The following NOSIP variants were observed in gnomAD, a reference collection of about 807,000 sequenced individuals.
NOSIP encodes nitric oxide synthase interacting protein.
A neutral mutation model predicts 36.4 loss-of-function variants in NOSIP; 25 were observed. The ratio of observed to expected loss-of-function variants is 0.69; its 90% CI spans 0.50 to 0.96. The LOEUF is 0.96. Among genes scored for constraint, NOSIP ranks in the 40% least tolerant of loss-of-function variants. The pLI is 0.00. For synonymous variants in NOSIP, 187 were observed against 179.2 expected, an observed-to-expected ratio of 1.04 and a Z score of -0.35; for missense variants, 370 against 429.0, an observed-to-expected ratio of 0.86 and a Z score of 1.21.
At chr19:49,559,838 T>C in intron 3 of NOSIP, 96 bp downstream of exon 3, 1 of 814,982 alleles carries the variant, frequency 1.2e-6, no homozygotes, top group South Asian at 1.4e-5. Context: ...CAGGGTTCCC[T>C]GGCTGTGCAG....
chr19:49,561,427 G>A (rs1476788839), intron 1 of NOSIP, among the ~76,000 whole-genome samples: 1 of 152,064 alleles, frequency 6.6e-6, no homozygotes, highest in East Asian at 1.9e-4. Context: ...AATAGTATAA[G>A]GAACCCCCAT....
rs201132953 is a variant in NOSIP, at chr19:49,560,698, G to A, written c.-1-6C>T. On this transcript the variant is annotated splice_polypyrimidine_tract_variant and splice_region_variant and intron_variant, in intron 1 of 8. Transcript: ENST00000596358. The surrounding 1 kb of genome is among the most constrained non-coding windows in gnomAD (Gnocchi z 4.6). ...TCTTGCCATGCCGCGTCATCCTAGG[G>A]AGGAAGGGACAGTGGCAGGACTGTG... is the stretch of plus-strand genomic sequence containing the variant. The A allele has an allele frequency of 2.6e-4, 417 of 1,586,492 alleles. 1 individual carries two copies. Among genetic ancestry groups the A allele is most frequent in the Admixed American group, 9.8e-4 (55 of 56,304 alleles).
intron 1 of NOSIP, among the ~76,000 whole-genome samples, chr19:49,570,162 C>T (rs2080466615): frequency 6.6e-6 from 1 of 152,086 alleles, no homozygotes; most frequent in South Asian, 2.1e-4. Context: ...CTCCACATGA[C>T]ACATATTAGT....
chr19:49,573,857 ATTT>A (rs560191336), intron 1 of NOSIP, among the ~76,000 whole-genome samples: 12 of 129,408 alleles, frequency 9.3e-5, no homozygotes, highest in Admixed American at 8.0e-5. Context: ...GGACTGAAGT[ATTT>A]TTTTTTTTTT....
chr19:49,557,474 G>C, intron 4 of NOSIP: 1 of 1,382,600 alleles, frequency 7.2e-7, no homozygotes, highest in Non-Finnish European at 9.4e-7. Flanking sequence ...GCCTAAGTGA[G>C]CACTATGACC....
intron 1 of NOSIP, among the ~76,000 whole-genome samples, chr19:49,576,846 T>C (rs141572954): frequency 0.017 from 2,396 of 137,314 alleles, 128 homozygotes; most frequent in East Asian, 0.13. Context: ...ATCGCACCAT[T>C]GCACTCCAGC....
In NOSIP at chr19:49,555,619, G is replaced by C. The variant is rs2080225187; in HGVS notation, c.*132C>G. The C allele has an allele frequency of 8.6e-6, 6 of 694,362 alleles. No homozygotes were observed. The Admixed American group carries it at 1.3e-4, about 15-fold the overall frequency. 43.0% of individuals were successfully genotyped at this position (694,362 alleles called of 1,614,324 possible). On this transcript the variant is annotated 3_prime_UTR_variant, in exon 9 of 9. Transcript: ENST00000596358. Reference sequence around the variant, plus strand: ...GCTTAGCCCGCTCTTTCAAACTCCAGCGTGCGCTGTAGGAGCACTGTTTGC... The same window carrying C: ...GCTTAGCCCGCTCTTTCAAACTCCACCGTGCGCTGTAGGAGCACTGTTTGC...
rs2080261971 is a variant in NOSIP at position 49,557,093 on chromosome 19, G to C, written c.415C>G (p.Pro139Ala). The C allele has an allele frequency of 6.2e-7, 1 of 1,611,194 alleles. No homozygotes were observed. The highest frequency in any genetic ancestry group is 8.5e-7 in the Non-Finnish European group (1 of 1,178,810). ...FTAKALSGTS[P>A]DDVQPGPSVG... Reference sequence around the variant, plus strand: ...CAAGAAGCCCAACCTGAGTCACCTGGGCTGGTGCCCGAGAGGGCCTTGGCT... The same window carrying C: ...CAAGAAGCCCAACCTGAGTCACCTGCGCTGGTGCCCGAGAGGGCCTTGGCT... The change falls in exon 5 of 9, where the codon CCA (proline) becomes GCA (alanine). Residue 139 changes from proline (P) to alanine (A), a missense_variant. Physicochemically the swap from Pro to Ala is conservative, Grantham distance 27. This residue lies in a region of NOSIP where 315 missense variants were observed against 331.9 expected (regional missense o/e 0.95). Coordinates refer to ENST00000596358, the MANE Select transcript of NOSIP (RefSeq NM_001270960.2).
rs1224319623 is a variant in NOSIP, at chr19:49,560,629, C to G, written c.63G>C (p.Lys21Asn). The G allele has an allele frequency of 6.3e-7, 1 of 1,589,224 alleles. No homozygotes were observed. Among genetic ancestry groups the G allele is most frequent in the Admixed American group, 1.8e-5 (1 of 56,838 alleles). The change falls in exon 2 of 9, where the codon AAG (lysine) becomes AAC (asparagine). Residue 21 changes from lysine to asparagine, a missense_variant. By Grantham distance (94) the Lys-to-Asn change is moderately conservative. Coordinates refer to ENST00000596358, the MANE Select transcript of NOSIP (RefSeq NM_001270960.2). This position sits in a 1 kb window ranked among gnomAD's most constrained non-coding sequence, Gnocchi z 4.6. The part of the protein sequence containing the change: ...GAVYTYHEKK[K>N]DTAASGYGTQ... ...CCCACCCCAGCCCTGCACCTGTGTC[C>G]TTCTTCTTCTCGTGGTAGGTGTAGA... is the stretch of plus-strand genomic sequence containing the variant.
chr19:49,556,866 G>A lies in NOSIP; in HGVS notation c.537+9C>T, dbSNP rs2080257049. On this transcript the variant is annotated intron_variant, in intron 6 of 8. Transcript: ENST00000596358. ...GCACCGTGCGTGCCGGGGCGCTGTG[G>A]GGGCTCACCGGCTTCTCCAGCTTGG... 1 of 1,610,152 alleles carries A rather than the reference G, an allele frequency of 6.2e-7. No homozygotes were observed. Among genetic ancestry groups the A allele is most frequent in the African/African-American group, 1.3e-5 (1 of 74,822 alleles).
chr19:49,556,444 C>T lies in NOSIP; in HGVS notation c.726-19G>A, dbSNP rs1376729489. 2.5e-6 allele frequency: 4 copies of T among 1,611,406 alleles called. No homozygotes were observed. The African/African-American group carries it at 4.0e-5, about 16-fold the overall frequency. On this transcript the variant is annotated intron_variant, in intron 7 of 8. Transcript: ENST00000596358. ...AGCCCCACTACGGTGAGGCCGAAGGCGGGAGACTCTGATCAGGGGCCTTCC... is the reference window on the plus strand; with the variant it reads ...AGCCCCACTACGGTGAGGCCGAAGGTGGGAGACTCTGATCAGGGGCCTTCC...
At chr19:49,579,914 G>A (rs2080603439) in intron 1 of NOSIP, among the ~76,000 whole-genome samples, 1 of 151,942 alleles carries the variant, frequency 6.6e-6, no homozygotes, top group Admixed American at 6.6e-5. Context: ...ACTGCCTCAA[G>A]GACCGTTCAA....
chr19:49,565,731 C>A lies in NOSIP; in HGVS notation c.-1-5039G>T, dbSNP rs555455108. 2.1e-3 allele frequency among the ~76,000 whole-genome samples: 311 copies of A among 151,528 alleles called. 1 individual carries two copies. The highest frequency in any genetic ancestry group is 7.1e-3 in the African/African-American group (290 of 41,050). On this transcript the variant is annotated intron_variant, in intron 1 of 8. Coordinates refer to ENST00000596358, the MANE Select transcript of NOSIP (RefSeq NM_001270960.2). ...CAAGATGGAGCCACTGCTCTCCAGC[C>A]TGGGCAATAGAGTGAGAACCTGTCT...
chr19:49,561,752 C>G (rs2080337620), intron 1 of NOSIP, among the ~76,000 whole-genome samples: 1 of 152,006 alleles, frequency 6.6e-6, no homozygotes. Flanking sequence ...CGTGGTGGCA[C>G]ACGCCAGTAA....
At chr19:49,568,797 A>T (rs5023762) in intron 1 of NOSIP, among the ~76,000 whole-genome samples, 19,863 of 129,246 alleles carry the variant, frequency 0.15, 2,725 homozygotes, top group African/African-American at 0.31. Flanking sequence ...AAAAAAAAAT[A>T]GTTTGTTTGT....
rs772637224 is a variant in NOSIP, at chr19:49,556,579, T to C, written c.695A>G (p.Asn232Ser). The C allele has an allele frequency of 6.2e-7, 1 of 1,606,062 alleles. No homozygotes were observed. The highest frequency in any genetic ancestry group is 8.5e-7 in the Non-Finnish European group (1 of 1,179,262). Residue 232 changes from asparagine (N) to serine (S), a missense_variant, in exon 7 of 9, where the codon AAC (asparagine) becomes AGC (serine). Coordinates refer to ENST00000596358, the MANE Select transcript of NOSIP (RefSeq NM_001270960.2). ...VCAVTRDSLS[N>S]ATPCAVLRPS... The stretch of plus-strand genomic sequence containing the variant: ...CCGCAGCACAGCGCAGGGGGTGGCG[T>C]TGCTCAGGCTGTCGCGGGTCACGGC...
intron 1 of NOSIP, among the ~76,000 whole-genome samples, chr19:49,571,417 A>G (rs2080482673): frequency 1.3e-5 from 2 of 152,194 alleles, no homozygotes; most frequent in African/African-American, 4.8e-5. Context: ...CTCCTGCCCC[A>G]CACTATATTG....
chr19:49,575,635 G>C (rs1327896120), intron 1 of NOSIP, among the ~76,000 whole-genome samples: 2 of 152,132 alleles, frequency 1.3e-5, no homozygotes, highest in Non-Finnish European at 2.9e-5. Context: ...AAGGGCCAGA[G>C]AGTAAATGTT....
At chr19:49,558,817 G>A in intron 4 of NOSIP, 80 bp downstream of exon 4, 1 of 1,115,602 alleles carries the variant, frequency 9.0e-7, no homozygotes, top group African/African-American at 1.5e-5. Context: ...TGAGATCAGA[G>A]GGCTCTGAGT....
Sources: allele counts gnomAD v4.1 joint callset (sites outside exome capture counted in the v4.1 genomes callset), GRCh38; gene constraint gnomAD v4.1.1; regional missense constraint gnomAD v4.1.1; non-coding constraint Gnocchi (gnomAD v3.1); transcripts MANE v1.5; gene names NCBI Gene and HGNC (gene_info 2026-07-23, HGNC 2026-07-21).